PRTN3: variants seen among roughly 807,000 people sequenced by gnomAD.
PRTN3 encodes myeloblastin.
Under a neutral mutation model 20.7 loss-of-function variants are expected in PRTN3, and 22 were observed. The ratio of observed to expected loss-of-function variants is 1.06; its 90% CI spans 0.76 to 1.52. PRTN3 has a LOEUF of 1.52. Ranked by LOEUF, PRTN3 falls within the 40% of genes most tolerant of loss-of-function variation. The pLI, the probability that PRTN3 is intolerant of heterozygous loss-of-function variation, is 0.00. For synonymous variants in PRTN3, 173 were observed against 152.9 expected (o/e 1.13, Z -0.97); for missense variants, 378 against 359.6 (o/e 1.05, Z -0.41).
chr19:844,041 G>T lies in PRTN3; in HGVS notation c.369+7G>T. Reference sequence around the variant, plus strand: ...CGACGTTCTCCTCATCCAGGTGGGCGGGCAGGGCCGCGAGGGCTCGGAGGG... The same window carrying T: ...CGACGTTCTCCTCATCCAGGTGGGCTGGCAGGGCCGCGAGGGCTCGGAGGG... On this transcript the variant is annotated splice_region_variant and intron_variant, in intron 3 of 4. Coordinates refer to ENST00000234347, the MANE Select transcript of PRTN3 (RefSeq NM_002777.4). 1 of 1,599,202 alleles carries T rather than the reference G, an allele frequency of 6.3e-7. No homozygotes were observed. The highest frequency in any genetic ancestry group is 8.5e-7 in the Non-Finnish European group (1 of 1,173,294).
chr19:844,754 T>C lies in PRTN3; in HGVS notation c.369+720T>C, dbSNP rs75628582. On this transcript the variant is annotated intron_variant, in intron 3 of 4. Coordinates refer to ENST00000234347, the MANE Select transcript of PRTN3 (RefSeq NM_002777.4). ...GGCAGAGGATTTTTGTCTGTGTTGTTCGTTATTGGACTCATGTGGCTTAGA... is the reference window on the plus strand; with the variant it reads ...GGCAGAGGATTTTTGTCTGTGTTGTCCGTTATTGGACTCATGTGGCTTAGA... Among the ~76,000 whole-genome samples, 1,476 of 151,154 alleles carry C rather than the reference T, an allele frequency of 9.8e-3. 29 individuals are homozygous for C. Among genetic ancestry groups the C allele is most frequent in the African/African-American group, 0.035 (1,429 of 41,178 alleles).
In PRTN3 at chr19:843,552, G is replaced by A. The variant is rs772783842; in HGVS notation, c.153G>A (p.Pro51=). 8 of 1,600,050 alleles carry A rather than the reference G, an allele frequency of 5.0e-6. No individual in the cohort carries two copies. The highest frequency in any genetic ancestry group is 2.7e-5 in the African/African-American group (2 of 74,890). ...CCTCCCTGCAGATGCGGGGGAACCC[G>A]GGCAGCCACTTCTGCGGAGGCACCT... ...YMASLQMRGN[P]GSHFCGGTLI... is the part of the protein sequence containing the mutation. Residue 51 remains proline, a synonymous_variant, in exon 2 of 5, where the codon CCG becomes CCA. Transcript: ENST00000234347.
At chr19:843,753 G>A (rs2035476527) in intron 2 of PRTN3, 127 bp downstream of exon 2, 3 of 1,449,340 alleles carry the variant, frequency 2.1e-6, no homozygotes, top group Non-Finnish European at 2.7e-6. Flanking sequence ...GGCCCCGCGC[G>A]CGTGGGCAGT....
chr19:843,330 C>A, intron 1 of PRTN3, 131 bp from the exon 2 acceptor site: 1 of 1,020,512 alleles, frequency 9.8e-7, no homozygotes, highest in Non-Finnish European at 1.4e-6. Context: ...GAGTCCTTCC[C>A]ACCAGCCAGC....
intron 4 of PRTN3, among the ~76,000 whole-genome samples, chr19:847,440 C>CAAAACA (rs2035530530): frequency 7.9e-6 from 1 of 127,304 alleles, no homozygotes; most frequent in African/African-American, 3.0e-5. Context: ...CTGTCGCAAA[C>CAAAACA]AAAACAAAAA....
Position 846,348 on chromosome 19 carries a change from G to C in PRTN3, c.571G>C (p.Val191Leu). ...CCGGCCACATAACATTTGCACTTTCGTCCCTCGCCGCAAGGCCGGCATCTG... is the reference window on the plus strand; with the variant it reads ...CCGGCCACATAACATTTGCACTTTCCTCCCTCGCCGCAAGGCCGGCATCTG... ...FCRPHNICTF[V>L]PRRKAGICFG... Residue 191 changes from valine to leucine, a missense_variant, in exon 4 of 5, where the codon GTC becomes CTC. By Grantham distance (32) the Val-to-Leu change is conservative (BLOSUM62 1). Coordinates refer to ENST00000234347, the MANE Select transcript of PRTN3 (RefSeq NM_002777.4). The C allele has an allele frequency of 6.4e-7, 1 of 1,568,566 alleles. No homozygotes were observed. The highest frequency in any genetic ancestry group is 8.6e-7 in the Non-Finnish European group (1 of 1,157,918).
At chr19:841,731 C>CTTT (rs555166102) in intron 1 of PRTN3, among the ~76,000 whole-genome samples, 3 of 130,172 alleles carry the variant, frequency 2.3e-5, no homozygotes, top group South Asian at 2.5e-4. Context: ...TTTTCTTTTT[C>CTTT]TTTTTTTTTT....
rs1555707332 is a variant in PRTN3 at position 843,548 on chromosome 19, A to T, written c.149A>T (p.Asn50Ile). 2.5e-6 allele frequency: 4 copies of T among 1,598,436 alleles called. No individual in the cohort carries two copies. In the Admixed American group the frequency reaches 6.8e-5, roughly 27 times the overall value. ...ATGGCCTCCCTGCAGATGCGGGGGAACCCGGGCAGCCACTTCTGCGGAGGC... is the reference window on the plus strand; with the variant it reads ...ATGGCCTCCCTGCAGATGCGGGGGATCCCGGGCAGCCACTTCTGCGGAGGC... ...PYMASLQMRG[N>I]PGSHFCGGTL... The change falls in exon 2 of 5, where the codon AAC becomes ATC. Residue 50 changes from asparagine to isoleucine, a missense_variant. Physicochemically the swap from Asn to Ile is moderately radical, Grantham distance 149. Coordinates refer to ENST00000234347, the MANE Select transcript of PRTN3 (RefSeq NM_002777.4).
At position 843,520 on chromosome 19, in the gene PRTN3, T is replaced by C. The variant is rs1171451328; in HGVS notation, c.121T>C (p.Tyr41His). 1.3e-6 allele frequency: 2 copies of C among 1,591,682 alleles called. No homozygotes were observed. The highest frequency in any genetic ancestry group is 1.7e-6 in the Non-Finnish European group (2 of 1,172,060). ...CGAGGCGCAGCCACACTCCCGGCCC[T>C]ACATGGCCTCCCTGCAGATGCGGGG... ...GHEAQPHSRP[Y>H]MASLQMRGNP... Residue 41 changes from tyrosine (Y) to histidine (H), a missense_variant, in exon 2 of 5, where the codon TAC becomes CAC. Transcript: ENST00000234347.
rs1253281142 is a variant in PRTN3 at position 848,129 on chromosome 19, G to A, written c.*160G>A. 24 of 878,838 alleles carry A rather than the reference G, an allele frequency of 2.7e-5. No individual in the cohort carries two copies. Among genetic ancestry groups the A allele is most frequent in the Non-Finnish European group, 3.7e-5 (22 of 591,836 alleles). The allele number at this position is 878,838 out of a possible 1,614,324, so 54.4% of individuals were successfully genotyped here. A position where few individuals can be genotyped will look rare whatever the true frequency, so the allele number is the denominator to read the frequency against. On this transcript the variant is annotated 3_prime_UTR_variant, in exon 5 of 5. Coordinates refer to ENST00000234347, the MANE Select transcript of PRTN3 (RefSeq NM_002777.4). ...CCCACGGGGCTCCGGGAGACAGGCC[G>A]GCCCTGCACCTCACCCCACCGTGAC...
At chr19:841,854 A>C (rs12976453) in intron 1 of PRTN3, among the ~76,000 whole-genome samples, 53,933 of 132,682 alleles carry the variant, frequency 0.41, 11,523 homozygotes, top group Admixed American at 0.52. Context: ...CAGCCTCCCG[A>C]GTAGCTGGGA....
intron 3 of PRTN3, among the ~76,000 whole-genome samples, chr19:845,204 T>C (rs377469112): frequency 4.6e-5 from 7 of 151,620 alleles, no homozygotes; most frequent in African/African-American, 1.7e-4. Context: ...CTCCTCAGCC[T>C]CCCAAAGTGC....
At chr19:846,747 T>TTTG (rs149179129) in intron 4 of PRTN3, among the ~76,000 whole-genome samples, 2 of 151,454 alleles carry the variant, frequency 1.3e-5, no homozygotes, top group African/African-American at 2.4e-5. Context: ...TGCTCACACT[T>TTTG]TTTGTTTGTT....
chr19:843,863 C>T, intron 2 of PRTN3, 30 bp from the exon 3 acceptor site: 1 of 1,560,832 alleles, frequency 6.4e-7, no homozygotes, highest in African/African-American at 1.4e-5. Context: ...GTGTCCAGGG[C>T]GCCGAGGAGT....
At chr19:842,884 C>G (rs544370242) in intron 1 of PRTN3, among the ~76,000 whole-genome samples, 6 of 148,784 alleles carry the variant, frequency 4.0e-5, no homozygotes, top group African/African-American at 7.5e-5. Flanking sequence ...CAACCGCACC[C>G]GACCAATTTT....
intron 4 of PRTN3, among the ~76,000 whole-genome samples, chr19:847,038 GCTCACGCCTGTAAT>G (rs1352476589): frequency 6.6e-6 from 1 of 152,164 alleles, no homozygotes; most frequent in Non-Finnish European, 1.5e-5. Flanking sequence ...AGCAGTGGTG[GCTCACGCCTGTAAT>G]CTCAGCACTT....
chr19:846,492 C>T, intron 4 of PRTN3, 115 bp downstream of exon 4: 1 of 1,124,904 alleles, frequency 8.9e-7, no homozygotes, highest in Non-Finnish European at 1.2e-6. Context: ...CTCAGTCTCC[C>T]CACCTGGAAG....
rs373088316 is a variant in PRTN3, at chr19:842,711, C to T, written c.62-750C>T. On this transcript the variant is annotated intron_variant, in intron 1 of 4. Transcript: ENST00000234347. ...CAAGCGATTCTCCTGCGTCAACCTC[C>T]GGAGTAGCTGGGACTACAGGCACGT... Among the ~76,000 whole-genome samples the T allele has an allele frequency of 1.3e-4, 20 of 150,686 alleles. 2 individuals are homozygous for T. In the East Asian group the frequency reaches 1.8e-3, roughly 13 times the overall value.
At chr19:847,076 C>A (rs193159685) in intron 4 of PRTN3, among the ~76,000 whole-genome samples, 1 of 152,022 alleles carries the variant, frequency 6.6e-6, no homozygotes, top group Non-Finnish European at 1.5e-5. Context: ...GAGGCCAAAG[C>A]GGAAGGATCT....
Sources: allele counts gnomAD v4.1 joint callset (sites outside exome capture counted in the v4.1 genomes callset), GRCh38; gene constraint gnomAD v4.1.1; transcripts MANE v1.5; gene names NCBI Gene and HGNC (gene_info 2026-07-23, HGNC 2026-07-21).